ROR2: variants seen among roughly 807,000 people sequenced by gnomAD.
The protein encoded by ROR2 is ROR family WNT receptor 2, also known as tyrosine-protein kinase transmembrane receptor ROR2.
A neutral mutation model predicts 74.9 loss-of-function variants in ROR2; 33 were observed. The observed-to-expected ratio is 0.44, with a 90% CI of 0.33 to 0.59. ROR2 has a LOEUF of 0.59. Among genes scored for constraint, ROR2 ranks in the 20% least tolerant of loss-of-function variants. The pLI, the probability that ROR2 is intolerant of heterozygous loss-of-function variation, is 0.02. For missense variants in ROR2, 1,216 were observed against 1,313.8 expected, an observed-to-expected ratio of 0.93 and a Z score of 1.15; for synonymous variants, 586 against 558.7, an observed-to-expected ratio of 1.05 and a Z score of -0.69.
intron 7 of ROR2, among the ~76,000 whole-genome samples, chr9:91,727,615 G>A (rs184887465): frequency 4.6e-5 from 7 of 152,268 alleles, no homozygotes; most frequent in Admixed American, 2.0e-4. Context: ...GTTTCAGGAC[G>A]CTGACCCTAA....
intron 1 of ROR2, among the ~76,000 whole-genome samples, chr9:91,856,047 A>G (rs7867837): frequency 0.041 from 6,229 of 152,282 alleles, 183 homozygotes; most frequent in East Asian, 0.098. Flanking sequence ...AGTAAATTTA[A>G]AAGAAAAACG....
chr9:91,808,330 C>T (rs978601762), intron 1 of ROR2, among the ~76,000 whole-genome samples: 4 of 152,296 alleles, frequency 2.6e-5, no homozygotes, highest in Middle Eastern at 3.4e-3. Context: ...TAAGCCTCTC[C>T]TCAATTAAAA....
At chr9:91,761,861 G>C (rs1372461964) in intron 2 of ROR2, among the ~76,000 whole-genome samples, 3 of 152,104 alleles carry the variant, frequency 2.0e-5, no homozygotes, top group South Asian at 4.1e-4. Flanking sequence ...CATCAGGATG[G>C]CTTCCTTACC....
At chr9:91,851,610 T>C (rs2119258464) in intron 1 of ROR2, among the ~76,000 whole-genome samples, 1 of 152,276 alleles carries the variant, frequency 6.6e-6, no homozygotes, top group African/African-American at 2.4e-5. Flanking sequence ...GGGGTGCTAG[T>C]TGGAACTGTA....
intron 1 of ROR2, among the ~76,000 whole-genome samples, chr9:91,815,963 C>T (rs554115024): frequency 6.6e-6 from 1 of 152,318 alleles, no homozygotes; most frequent in Non-Finnish European, 1.5e-5. Context: ...TACCTGCTCA[C>T]GGTCACCCCC....
intron 2 of ROR2, among the ~76,000 whole-genome samples, chr9:91,768,235 T>C (rs1357230099): frequency 6.6e-6 from 1 of 152,212 alleles, no homozygotes; most frequent in Admixed American, 6.5e-5. Flanking sequence ...GAAAACATTC[T>C]GATGTCTTAA....
intron 1 of ROR2, among the ~76,000 whole-genome samples, chr9:91,888,653 A>G (rs1377717612): frequency 3.3e-5 from 5 of 152,210 alleles, no homozygotes; most frequent in African/African-American, 4.8e-5. Flanking sequence ...TCAGAGGGTG[A>G]TCGAGGCCAC....
chr9:91,857,995 A>T (rs12376130), intron 1 of ROR2, among the ~76,000 whole-genome samples: 51,839 of 152,090 alleles, frequency 0.34, 9,183 homozygotes, highest in Admixed American at 0.48. Context: ...TCCTCCGGAT[A>T]TAGGCCGCCA....
chr9:91,778,839 C>A (rs931916491), intron 1 of ROR2, among the ~76,000 whole-genome samples: 9 of 152,090 alleles, frequency 5.9e-5, no homozygotes, highest in Non-Finnish European at 1.3e-4. Context: ...GGAAACTCAA[C>A]CCTTGGGTAG....
chr9:91,737,550 T>C (rs779625182), intron 4 of ROR2, 32 bp from the exon 5 acceptor site: 2 of 1,614,090 alleles, frequency 1.2e-6, no homozygotes, highest in African/African-American at 2.7e-5. Flanking sequence ...CTGTTAGAGC[T>C]CTGGGAGGTG....
chr9:91,934,401 T>C (rs1831629192), intron 1 of ROR2, among the ~76,000 whole-genome samples: 1 of 152,140 alleles, frequency 6.6e-6, no homozygotes, highest in African/African-American at 2.4e-5. Flanking sequence ...TACTTAGAAT[T>C]ATGAACAAAT....
At chr9:91,803,332 C>G (rs1056655660) in intron 1 of ROR2, among the ~76,000 whole-genome samples, 3 of 152,204 alleles carry the variant, frequency 2.0e-5, no homozygotes, top group Non-Finnish European at 4.4e-5. Flanking sequence ...TGAATCACTT[C>G]TGTGAAATAT....
intron 1 of ROR2, among the ~76,000 whole-genome samples, chr9:91,868,323 A>G (rs534399566): frequency 2.6e-5 from 4 of 152,304 alleles, no homozygotes; most frequent in African/African-American, 9.6e-5. Context: ...AATTGAAAAG[A>G]AATAAACAGA....
chr9:91,882,818 C>G, intron 1 of ROR2, among the ~76,000 whole-genome samples: 1 of 152,172 alleles, frequency 6.6e-6, no homozygotes, highest in Non-Finnish European at 1.5e-5. Flanking sequence ...AAGGCGCCAT[C>G]TGCCAGCCAA....
intron 1 of ROR2, among the ~76,000 whole-genome samples, chr9:91,833,635 C>T (rs1828532638): frequency 6.6e-6 from 1 of 152,164 alleles, no homozygotes; most frequent in Non-Finnish European, 1.5e-5. Flanking sequence ...GCCAGCGCAC[C>T]CTGCAGACCT....
intron 1 of ROR2, among the ~76,000 whole-genome samples, chr9:91,862,964 G>A (rs1156232992): frequency 9.9e-5 from 15 of 152,148 alleles, no homozygotes. Flanking sequence ...AGCACATGAA[G>A]AAATGTTCAA....
At chr9:91,819,336 C>T (rs147459409) in intron 1 of ROR2, among the ~76,000 whole-genome samples, 4 of 152,296 alleles carry the variant, frequency 2.6e-5, no homozygotes, top group Admixed American at 6.5e-5. Flanking sequence ...TGCCAACCTT[C>T]GGGGCTACAG....
At chr9:91,882,176 C>T (rs138322004) in intron 1 of ROR2, among the ~76,000 whole-genome samples, 1,823 of 152,194 alleles carry the variant, frequency 0.012, 18 homozygotes, top group Middle Eastern at 0.085. Context: ...CTTTGGGAGG[C>T]TGAGGCGGGT....
At chr9:91,763,438 A>G (rs898124107) in intron 2 of ROR2, among the ~76,000 whole-genome samples, 14 of 152,202 alleles carry the variant, frequency 9.2e-5, no homozygotes, top group African/African-American at 3.1e-4. Flanking sequence ...TTCACTAACA[A>G]TATCTGAGTT....
Sources: gnomAD v4.1 joint callset for allele counts (sites outside exome capture counted in the v4.1 genomes callset) on GRCh38, gnomAD v4.1.1 for gene constraint, MANE v1.5 for transcripts, NCBI Gene and HGNC (gene_info 2026-07-23, HGNC 2026-07-21) for gene names.